The following ADARB2 variants were observed in gnomAD, a reference collection of about 807,000 sequenced individuals.
ADARB2 encodes inactive double-stranded RNA-specific editase B2.
A neutral mutation model predicts 62.2 loss-of-function variants in ADARB2; 25 were observed. The observed-to-expected ratio is 0.40, with a 90% CI of 0.29 to 0.56. ADARB2 has a LOEUF of 0.56. Among genes scored for constraint, ADARB2 ranks in the 20% least tolerant of loss-of-function variants. The pLI is 0.43. For synonymous variants in ADARB2, 572 were observed against 500.8 expected (o/e 1.14, Z -1.90); for missense variants, 1,071 against 1,077.4 (o/e 0.99, Z 0.08).
At chr10:1,708,640 G>T (rs899284561) in intron 1 of ADARB2, among the ~76,000 whole-genome samples, 26 of 152,092 alleles carry the variant, frequency 1.7e-4, no homozygotes, top group Admixed American at 8.5e-4. Flanking sequence ...AGACATTCAG[G>T]TTCAAGTCCT....
At chr10:1,649,477 A>G (rs150478714) in intron 1 of ADARB2, among the ~76,000 whole-genome samples, 1 of 151,778 alleles carries the variant, frequency 6.6e-6, no homozygotes, top group South Asian at 2.1e-4. Flanking sequence ...TCTCCCTTTA[A>G]TTTTCTCCGT....
At chr10:1,513,895 A>C (rs1484479994) in intron 1 of ADARB2, among the ~76,000 whole-genome samples, 2 of 151,932 alleles carry the variant, frequency 1.3e-5, no homozygotes, top group African/African-American at 2.4e-5. Context: ...AAAACACTTA[A>C]ATTTGTTCTA....
rs191393005 is a variant in ADARB2 at position 1,601,033 on chromosome 10, A to G, written c.100+136018T>C. Among the ~76,000 whole-genome samples, 9 of 152,328 alleles carry G rather than the reference A, an allele frequency of 5.9e-5. No individual in the cohort carries two copies. In the East Asian group the frequency reaches 1.7e-3, roughly 29 times the overall value. On this transcript the variant is annotated intron_variant, in intron 1 of 9. Coordinates refer to ENST00000381312, the MANE Select transcript of ADARB2 (RefSeq NM_018702.4). ...CAGAGGCTGATGCTACGTCTAATTC[A>G]TGAGAGGAAGTGAGCTCTGAGTGTG...
At chr10:1,443,373 T>C (rs1405090130) in intron 1 of ADARB2, among the ~76,000 whole-genome samples, 2 of 152,322 alleles carry the variant, frequency 1.3e-5, no homozygotes, top group Middle Eastern at 3.4e-3. Context: ...TTTCTTATTA[T>C]GCAGGCGAAT....
chr10:1,578,352 G>A (rs561435283), intron 1 of ADARB2, among the ~76,000 whole-genome samples: 1 of 152,274 alleles, frequency 6.6e-6, no homozygotes, highest in South Asian at 2.1e-4. Context: ...ATGAGTTCAT[G>A]TTAATTGTGA....
At chr10:1,250,624 T>A (rs926664188) in intron 4 of ADARB2, among the ~76,000 whole-genome samples, 1 of 152,132 alleles carries the variant, frequency 6.6e-6, no homozygotes, top group Non-Finnish European at 1.5e-5. Context: ...CTCACCAGAA[T>A]CCACTGCCAT....
At chr10:1,606,244 C>G (rs10794768) in intron 1 of ADARB2, among the ~76,000 whole-genome samples, 1 of 151,900 alleles carries the variant, frequency 6.6e-6, no homozygotes, top group Non-Finnish European at 1.5e-5. Flanking sequence ...CACTAGTTCT[C>G]GAAGTTCTCC....
In ADARB2 at chr10:1,596,499, C is replaced by T. The variant is rs561266802; in HGVS notation, c.100+140552G>A. Among the ~76,000 whole-genome samples the T allele has an allele frequency of 3.1e-4, 47 of 152,320 alleles. 1 individual carries two copies. The highest frequency in any genetic ancestry group is 6.8e-3 in the Middle Eastern group (2 of 294). On this transcript the variant is annotated intron_variant, in intron 1 of 9. Transcript: ENST00000381312. ...AGAAATGTCACTTAACAAATATTCACGTGCAACCCCCTGCACTAAGAGCTG... is the reference window on the plus strand; with the variant it reads ...AGAAATGTCACTTAACAAATATTCATGTGCAACCCCCTGCACTAAGAGCTG...
At chr10:1,600,643 C>G (rs1245746849) in intron 1 of ADARB2, among the ~76,000 whole-genome samples, 5 of 108,522 alleles carry the variant, frequency 4.6e-5, no homozygotes, top group Non-Finnish European at 8.4e-5. Flanking sequence ...GCCTGGGCAA[C>G]AGAGTGAGAC....
At chr10:1,647,318 AAAGT>A (rs1834055318) in intron 1 of ADARB2, among the ~76,000 whole-genome samples, 1 of 152,182 alleles carries the variant, frequency 6.6e-6, no homozygotes, top group African/African-American at 2.4e-5. Flanking sequence ...TTATGAAAAA[AAAGT>A]GTGTGTGCAT....
intron 1 of ADARB2, among the ~76,000 whole-genome samples, chr10:1,668,595 T>C (rs1326918764): frequency 6.6e-6 from 1 of 152,014 alleles, no homozygotes; most frequent in East Asian, 1.9e-4. Context: ...CACGTTCAGG[T>C]CAAGAACTCA....
At chr10:1,271,864 G>C (rs1347474612) in intron 3 of ADARB2, among the ~76,000 whole-genome samples, 2 of 152,242 alleles carry the variant, frequency 1.3e-5, no homozygotes, top group East Asian at 3.9e-4. Flanking sequence ...AGCCGTTGCA[G>C]GCCTTGGAGT....
At chr10:1,607,166 A>T (rs1477232587) in intron 1 of ADARB2, among the ~76,000 whole-genome samples, 1 of 152,170 alleles carries the variant, frequency 6.6e-6, no homozygotes, top group Admixed American at 6.5e-5. Context: ...GAAACTTTGA[A>T]TTTTCTTCTC....
chr10:1,630,498 C>T (rs570408240), intron 1 of ADARB2, among the ~76,000 whole-genome samples: 119 of 152,252 alleles, frequency 7.8e-4, no homozygotes, highest in African/African-American at 2.6e-3. Context: ...GAGTCATTTA[C>T]ATTTCAGTCT....
chr10:1,506,829 G>A (rs1036517206), intron 1 of ADARB2, among the ~76,000 whole-genome samples: 8 of 152,258 alleles, frequency 5.3e-5, no homozygotes, highest in African/African-American at 1.9e-4. Flanking sequence ...GGTCATGGGG[G>A]TGGGGCCCGG....
chr10:1,282,268 C>G (rs964074474), intron 3 of ADARB2, among the ~76,000 whole-genome samples: 12 of 152,228 alleles, frequency 7.9e-5, no homozygotes, highest in Admixed American at 3.3e-4. Context: ...TGCTTGGCCA[C>G]AAACCCGTCT....
intron 1 of ADARB2, among the ~76,000 whole-genome samples, chr10:1,721,454 A>G (rs1188032485): frequency 1.3e-5 from 2 of 152,214 alleles, no homozygotes; most frequent in African/African-American, 4.8e-5. Context: ...GATTCTATTT[A>G]TACTGAATTA....
At chr10:1,262,793 A>G (rs939046136) in intron 4 of ADARB2, among the ~76,000 whole-genome samples, 13 of 152,184 alleles carry the variant, frequency 8.5e-5, no homozygotes, top group Admixed American at 2.6e-4. Context: ...ATATACCCAA[A>G]GGATTATAAA....
chr10:1,343,875 G>T (rs1832054544), intron 3 of ADARB2, among the ~76,000 whole-genome samples: 1 of 152,206 alleles, frequency 6.6e-6, no homozygotes, highest in Non-Finnish European at 1.5e-5. Flanking sequence ...CTACTTGAGG[G>T]TGAAGGGTGG....
Sources: gnomAD v4.1 joint callset for allele counts (sites outside exome capture counted in the v4.1 genomes callset) on GRCh38, gnomAD v4.1.1 for gene constraint, MANE v1.5 for transcripts, NCBI Gene and HGNC (gene_info 2026-07-23, HGNC 2026-07-21) for gene names.